Variants in USP4 observed in about 807,000 individuals in gnomAD.
USP4 encodes the protein ubiquitin specific peptidase 4, also known as ubiquitin carboxyl-terminal hydrolase 4.
A neutral mutation model predicts 118.2 loss-of-function variants in USP4; 72 were observed. The observed-to-expected ratio is 0.61, with a 90% CI of 0.50 to 0.74. The LOEUF is 0.74. USP4 is among the 30% of genes least tolerant of loss of function. The probability of loss-of-function intolerance (pLI) is 0.00; values close to 1 mark genes in which losing one functional copy is unlikely to be tolerated. For synonymous variants in USP4, 415 were observed against 440.4 expected (o/e 0.94, Z 0.72); for missense variants, 1,037 against 1,185.7 (o/e 0.87, Z 1.84).
chr3:49,286,827 T>TATCTATCTA (rs2047095556), intron 15 of USP4, among the ~76,000 whole-genome samples: 1 of 144,402 alleles, frequency 6.9e-6, no homozygotes. Flanking sequence ...TCTATCTATC[T>TATCTATCTA]ATCTATCTAT....
intron 8 of USP4, among the ~76,000 whole-genome samples, chr3:49,307,892 A>G (rs1169251193): frequency 6.6e-6 from 1 of 152,130 alleles, no homozygotes; most frequent in Non-Finnish European, 1.5e-5. Context: ...AGTCCCAGCT[A>G]TTTGGGAAGC....
chr3:49,283,739 A>G (rs1294860138), intron 19 of USP4, among the ~76,000 whole-genome samples: 1 of 152,168 alleles, frequency 6.6e-6, no homozygotes, highest in East Asian at 1.9e-4. Context: ...CGAGAGGGAA[A>G]CTAGCAGTGG....
chr3:49,286,392 A>G, intron 15 of USP4, 67 bp from the exon 16 acceptor site: 1 of 1,449,222 alleles, frequency 6.9e-7, no homozygotes, highest in Non-Finnish European at 9.5e-7. Context: ...AATTTTATTT[A>G]ATACATAACT....
intron 15 of USP4, among the ~76,000 whole-genome samples, chr3:49,290,804 C>G (rs928457706): frequency 1.3e-5 from 2 of 152,094 alleles, no homozygotes; most frequent in Non-Finnish European, 2.9e-5. Context: ...CATGAGCCAT[C>G]GCACCCGTCT....
intron 11 of USP4, among the ~76,000 whole-genome samples, chr3:49,299,007 G>A (rs1043147441): frequency 6.6e-6 from 1 of 151,976 alleles, no homozygotes; most frequent in Non-Finnish European, 1.5e-5. Context: ...TCCTGGCCTC[G>A]AGCAATCCTC....
At chr3:49,317,079 T>A (rs1199967139) in intron 6 of USP4, 1 of 1,274,518 alleles carries the variant, frequency 7.8e-7, no homozygotes, top group Non-Finnish European at 1.1e-6. Flanking sequence ...GCCCATGGTC[T>A]GGTCAGCTGT....
At chr3:49,286,017 CAGTG>C in intron 16 of USP4, 77 bp downstream of exon 16, 1 of 1,339,796 alleles carries the variant, frequency 7.5e-7, no homozygotes, top group Non-Finnish European at 1.1e-6. Context: ...AAGCCCAATG[CAGTG>C]AGTGTCAAGT....
chr3:49,286,347 A>G (rs372181380), intron 15 of USP4, 22 bp from the exon 16 acceptor site: 34 of 1,605,840 alleles, frequency 2.1e-5, no homozygotes, highest in Middle Eastern at 1.7e-4. Context: ...ATGGAAAACA[A>G]TATGTATATA....
Position 49,284,497 on chromosome 3 carries a change from T to C in USP4, c.2359A>G (p.Thr787Ala), listed in dbSNP as rs369666364. The change falls in exon 18 of 22, where the codon ACC becomes GCC. Residue 787 changes from threonine (T) to alanine (A), a missense_variant. By Grantham distance (58) the Thr-to-Ala change is moderately conservative. This residue lies in a region of USP4 where 522 missense variants were observed against 592.6 expected (regional missense o/e 0.88). Transcript: ENST00000265560. Reference protein sequence around the residue: ...ALRDCIELFTTMETLGEHDPW... With the variant: ...ALRDCIELFTAMETLGEHDPW... ...TCATGCTCCCCAAGGGTCTCCATGGTGGTGAAGAGCTCGATGCAGTCTCTC... is the reference window on the plus strand; with the variant it reads ...TCATGCTCCCCAAGGGTCTCCATGGCGGTGAAGAGCTCGATGCAGTCTCTC... The C allele has an allele frequency of 5.9e-5, 96 of 1,614,050 alleles. No individual in the cohort carries two copies. The highest frequency in any genetic ancestry group is 4.7e-4 in the East Asian group (21 of 44,884).
intron 1 of USP4, 89 bp downstream of exon 1, chr3:49,339,835 C>T: frequency 9.2e-7 from 1 of 1,081,934 alleles, no homozygotes; most frequent in Non-Finnish European, 1.4e-6. Flanking sequence ...ATACCATCCC[C>T]GCCCAGCCCC....
intron 16 of USP4, among the ~76,000 whole-genome samples, chr3:49,285,842 A>G (rs1230127233): frequency 6.6e-6 from 1 of 152,226 alleles, no homozygotes; most frequent in Non-Finnish European, 1.5e-5. Context: ...TTATCGACCC[A>G]CAGCAAATTC....
intron 2 of USP4, among the ~76,000 whole-genome samples, chr3:49,331,837 A>G (rs1196164700): frequency 6.6e-6 from 1 of 151,850 alleles, no homozygotes; most frequent in Non-Finnish European, 1.5e-5. Flanking sequence ...CCTGTCCTTC[A>G]AGGCTCTGAA....
Position 49,333,635 on chromosome 3 carries a change from T to A in USP4, c.229+1834A>T, listed in dbSNP as rs565608798. 5.3e-5 allele frequency among the ~76,000 whole-genome samples: 8 copies of A among 152,304 alleles called. No homozygotes were observed. The South Asian group carries it at 8.3e-4, about 16-fold the overall frequency. On this transcript the variant is annotated intron_variant, in intron 2 of 21. Coordinates refer to ENST00000265560, the MANE Select transcript of USP4 (RefSeq NM_003363.4). ...CCTGAGGAGAGAGAGAGAGATGGAA[T>A]GGCTGGTTGGTGAAGCAGCGAGAAT...
intron 1 of USP4, among the ~76,000 whole-genome samples, chr3:49,336,300 T>C (rs1329930748): frequency 6.7e-6 from 1 of 149,206 alleles, no homozygotes; most frequent in Non-Finnish European, 1.5e-5. Flanking sequence ...GCCTCCCAAG[T>C]AGCTGGGATT....
chr3:49,295,451 T>G (rs1159069937), intron 13 of USP4, among the ~76,000 whole-genome samples: 2 of 152,086 alleles, frequency 1.3e-5, no homozygotes, highest in East Asian at 1.9e-4. Context: ...TCAAAAACAC[T>G]GAAGTGAAAG....
intron 19 of USP4, among the ~76,000 whole-genome samples, chr3:49,281,461 A>G (rs1316057911): frequency 6.7e-6 from 1 of 148,854 alleles, no homozygotes; most frequent in African/African-American, 2.5e-5. Flanking sequence ...GTCTCAAAAA[A>G]GAAAAAAAGT....
intron 6 of USP4, chr3:49,314,047 A>T (rs1334114639): frequency 6.6e-6 from 1 of 152,114 alleles, no homozygotes; most frequent in Non-Finnish European, 1.5e-5. Context: ...TCAAATATAA[A>T]ACTGGTATTT....
chr3:49,327,991 G>A (rs2047574750), intron 2 of USP4, among the ~76,000 whole-genome samples, 175 bp from the exon 3 acceptor site: 1 of 152,020 alleles, frequency 6.6e-6, no homozygotes, highest in Non-Finnish European at 1.5e-5. Context: ...CTTTATCCAT[G>A]TTTTCTCTTT....
intron 6 of USP4, among the ~76,000 whole-genome samples, chr3:49,320,864 C>T (rs1482518511): frequency 3.3e-5 from 5 of 151,984 alleles, no homozygotes; most frequent in Admixed American, 6.6e-5. Flanking sequence ...GTTTGCTAGT[C>T]GCCTCCTGCT....
Sources: gnomAD v4.1 joint callset for allele counts (sites outside exome capture counted in the v4.1 genomes callset) on GRCh38, gnomAD v4.1.1 for gene constraint, gnomAD v4.1.1 regional missense constraint, MANE v1.5 for transcripts, NCBI Gene and HGNC (gene_info 2026-07-23, HGNC 2026-07-21) for gene names.